Variants in EIF4G2 observed in about 807,000 individuals in gnomAD.
EIF4G2 encodes DAP-5.
A neutral mutation model predicts 117.7 loss-of-function variants in EIF4G2; 8 were observed. That is an observed-to-expected ratio of 0.07 (90% CI 0.04 to 0.12). EIF4G2 has a LOEUF of 0.12. EIF4G2 is among the 10% of genes least tolerant of loss of function. The probability of loss-of-function intolerance (pLI) is 1.00; values close to 1 mark genes in which losing one functional copy is unlikely to be tolerated. For missense variants in EIF4G2, 812 were observed against 1,086.2 expected, an observed-to-expected ratio of 0.75 and a Z score of 3.55; for synonymous variants, 413 against 367.8, an observed-to-expected ratio of 1.12 and a Z score of -1.41.
intron 1 of EIF4G2, chr11:10,808,216 C>G: frequency 8.8e-7 from 1 of 1,136,748 alleles, no homozygotes; most frequent in Non-Finnish European, 1.1e-6. Flanking sequence ...GGGCAGAAAT[C>G]ATCACTCTCT....
At chr11:10,808,427 G>A in intron 1 of EIF4G2, 3 of 1,260,524 alleles carry the variant, frequency 2.4e-6, no homozygotes, top group Non-Finnish European at 2.0e-6. Flanking sequence ...CCGTGCCTCG[G>A]TCCGCCACGG....
Position 10,799,662 on chromosome 11 carries a change from C to G in EIF4G2, c.2214G>C (p.Leu738Phe). ...GGGATGGATCCAACTTTATTTGCTT[C>G]AACAGTTCCTTCTCCAATTTGAGGA... Residue 738 changes from leucine to phenylalanine, a missense_variant, in exon 19 of 22, where the codon TTG becomes TTC. Transcript: ENST00000339995. 2 of 1,614,134 alleles carry G rather than the reference C, an allele frequency of 1.2e-6. No individual in the cohort carries two copies. Among genetic ancestry groups the G allele is most frequent in the Non-Finnish European group, 1.7e-6 (2 of 1,180,000 alleles).
intron 3 of EIF4G2, chr11:10,806,387 G>T: frequency 2.9e-6 from 1 of 347,440 alleles, no homozygotes; most frequent in Middle Eastern, 9.1e-4. Flanking sequence ...GTCTTGCCCA[G>T]GCTGATCTCA....
At chr11:10,800,925 A>T in intron 15 of EIF4G2, 37 bp downstream of exon 15, 1 of 1,612,650 alleles carries the variant, frequency 6.2e-7, no homozygotes, top group South Asian at 1.1e-5. Flanking sequence ...AAGTCTTCAG[A>T]TATCTTTAGA....
intron 14 of EIF4G2, 109 bp downstream of exon 14, chr11:10,801,552 C>G (rs1303125637): frequency 1.0e-6 from 1 of 999,226 alleles, no homozygotes; most frequent in Non-Finnish European, 1.6e-6. Context: ...AGAAAAACGT[C>G]AAGAACTCCA....
rs541544870 is a variant in EIF4G2, at chr11:10,808,554, C to T, written c.-87+151G>A. On this transcript the variant is annotated intron_variant, in intron 1 of 21. Transcript: ENST00000339995. ...AGAGAGAACAAAAGCCAAGACTTTCCAGGTATCTGAAGCGCAGAGGAAATG... is the reference window on the plus strand; with the variant it reads ...AGAGAGAACAAAAGCCAAGACTTTCTAGGTATCTGAAGCGCAGAGGAAATG... The T allele has an allele frequency of 3.3e-5, 36 of 1,102,904 alleles. No homozygotes were observed. The African/African-American group carries it at 5.7e-4, about 18-fold the overall frequency. The allele number at this position is 1,102,904 out of a possible 1,614,324, so 68.3% of individuals were successfully genotyped here.
Position 10,803,145 on chromosome 11 carries a change from ATT to A in EIF4G2, c.898-19_898-18del. The A allele has an allele frequency of 6.2e-7, 1 of 1,602,524 alleles. No individual in the cohort carries two copies. The highest frequency in any genetic ancestry group is 1.1e-5 in the South Asian group (1 of 88,464). On this transcript the variant is annotated intron_variant, in intron 10 of 21. Transcript: ENST00000339995. This position sits in a 1 kb window ranked among gnomAD's most constrained non-coding sequence, Gnocchi z 4.0. ...TACGGTATCCTTTAATTGAAAAATA[ATT>A]TTATTTTAATATTCCTAAACCAAAA...
chr11:10,804,054 A>G lies in EIF4G2; in HGVS notation c.551-4T>C. On this transcript the variant is annotated splice_polypyrimidine_tract_variant and splice_region_variant and intron_variant, in intron 7 of 21. Transcript: ENST00000339995. ...GGATTTTCACGCTTATCATAGACTG[A>G]AAAAGATACCAATGAAGTAAGCCAA... is the stretch of plus-strand genomic sequence containing the variant. 1 of 1,613,348 alleles carries G rather than the reference A, an allele frequency of 6.2e-7. No individual in the cohort carries two copies. The highest frequency in any genetic ancestry group is 8.5e-7 in the Non-Finnish European group (1 of 1,179,470).
At chr11:10,808,262 C>A in intron 1 of EIF4G2, 1 of 1,198,890 alleles carries the variant, frequency 8.3e-7, no homozygotes, top group African/African-American at 1.7e-5. Context: ...CCTGCCGACT[C>A]CAGGTCCTAC....
chr11:10,801,210 T>G (rs1244455277), intron 14 of EIF4G2, 123 bp from the exon 15 acceptor site: 1 of 1,386,548 alleles, frequency 7.2e-7, no homozygotes, highest in Non-Finnish European at 9.6e-7. Context: ...TTTGAAAAAC[T>G]AAAGAAGGTA....
chr11:10,808,357 G>A, intron 1 of EIF4G2: 4 of 1,205,580 alleles, frequency 3.3e-6, no homozygotes, highest in Non-Finnish European at 2.1e-6. Flanking sequence ...CTGCCGGCCC[G>A]CGTGCCTCCC....
intron 1 of EIF4G2, chr11:10,808,337 C>T: frequency 8.4e-7 from 1 of 1,194,322 alleles, no homozygotes; most frequent in Non-Finnish European, 1.1e-6. Flanking sequence ...CGCCAACGGC[C>T]TGGCCTTCCC....
chr11:10,802,948 G>A (rs1012725156), intron 11 of EIF4G2, 82 bp downstream of exon 11: 20 of 1,213,064 alleles, frequency 1.6e-5, no homozygotes, highest in African/African-American at 4.5e-5. Flanking sequence ...CCCCTCAAGC[G>A]TTTGGGGTGG....
At chr11:10,801,507 ACATT>A (rs1847416207) in intron 14 of EIF4G2, 150 bp downstream of exon 14, 1 of 817,066 alleles carries the variant, frequency 1.2e-6, no homozygotes, top group Admixed American at 1.7e-5. Flanking sequence ...AGGACGCTGG[ACATT>A]CAAAGAAAGA....
At position 10,799,016 on chromosome 11, in the gene EIF4G2, C is replaced by G; in HGVS notation, c.2634G>C (p.Pro878=). ...CCTGGAACAAAGCCTTGCCTTTTCC[C>G]GGAAACTCTTGGGTTATATCTTCTT... The change falls in exon 21 of 22, where the codon CCG becomes CCC. Residue 878 remains proline, a synonymous_variant. Coordinates refer to ENST00000339995, the MANE Select transcript of EIF4G2 (RefSeq NM_001418.4). 6.2e-7 allele frequency: 1 copy of G among 1,610,028 alleles called. No homozygotes were observed. The highest frequency in any genetic ancestry group is 8.5e-7 in the Non-Finnish European group (1 of 1,178,972).
At chr11:10,799,777 G>A (rs1269044721) in intron 18 of EIF4G2, 21 bp from the exon 19 acceptor site, 2 of 1,606,176 alleles carry the variant, frequency 1.2e-6, no homozygotes, top group South Asian at 1.1e-5. Flanking sequence ...AAAGCCACCT[G>A]CATCATCTAA....
chr11:10,800,768 T>C lies in EIF4G2; in HGVS notation c.1607A>G (p.Lys536Arg), dbSNP rs1287724906. Reference sequence around the variant, plus strand: ...GAGTTCTTCCTTTGACGGTGGTGGCTTTTTGCTGGTCTTGGCAGGCTTTTC... The same window carrying C: ...GAGTTCTTCCTTTGACGGTGGTGGCCTTTTGCTGGTCTTGGCAGGCTTTTC... The change falls in exon 16 of 22, where the codon AAG becomes AGG. Residue 536 changes from lysine (K) to arginine (R), a missense_variant. Physicochemically the swap from Lys to Arg is conservative, Grantham distance 26. This residue lies in a region of EIF4G2 where 571 missense variants were observed against 642.3 expected (regional missense o/e 0.89). Coordinates refer to ENST00000339995, the MANE Select transcript of EIF4G2 (RefSeq NM_001418.4). The C allele has an allele frequency of 6.2e-7, 1 of 1,614,192 alleles. No homozygotes were observed.
At chr11:10,808,479 G>A (rs1351523668) in intron 1 of EIF4G2, 16 of 1,253,602 alleles carry the variant, frequency 1.3e-5, no homozygotes, top group Non-Finnish European at 1.6e-5. Context: ...ATGACCGCAC[G>A]GCGGCCTGGC....
rs755535665 is a variant in EIF4G2, at chr11:10,804,386, A to G, written c.384T>C (p.Tyr128=). The change falls in exon 6 of 22, where the codon TAT becomes TAC. Residue 128 remains tyrosine, a synonymous_variant. Coordinates refer to ENST00000339995, the MANE Select transcript of EIF4G2 (RefSeq NM_001418.4). The stretch of plus-strand genomic sequence containing the variant: ...GACATAGCTGAGCATACAGTGAGCT[A>G]TACTTTGGCTCTTCTAGGGCTTTGT... 1.4e-5 allele frequency: 22 copies of G among 1,610,702 alleles called. No homozygotes were observed. Among genetic ancestry groups the G allele is most frequent in the Non-Finnish European group, 1.7e-5 (20 of 1,178,858 alleles).
Sources: allele counts gnomAD v4.1 joint callset, GRCh38; gene constraint gnomAD v4.1.1; regional missense constraint gnomAD v4.1.1; non-coding constraint Gnocchi (gnomAD v3.1); transcripts MANE v1.5; gene names NCBI Gene and HGNC (gene_info 2026-07-23, HGNC 2026-07-21).